NCKAP5: variants seen among roughly 807,000 people sequenced by gnomAD.
The protein encoded by NCKAP5 is nck-associated protein 5.
NCKAP5 carries 92 observed loss-of-function variants against 167.0 expected under a neutral mutation model. The ratio of observed to expected loss-of-function variants is 0.55; its 90% confidence interval spans 0.47 to 0.66. NCKAP5 has a LOEUF of 0.66. Among genes scored for constraint, NCKAP5 ranks in the 30% least tolerant of loss-of-function variants. NCKAP5 has a pLI of 0.00. For missense variants in NCKAP5, 2,378 were observed against 2,315.0 expected (o/e 1.03, Z -0.56); for synonymous variants, 891 against 877.4 (o/e 1.02, Z -0.27).
the NCKAP5 span, among the ~76,000 whole-genome samples, chr2:133,580,056 A>G: frequency 6.6e-6 from 1 of 152,226 alleles, no homozygotes; most frequent in Non-Finnish European, 1.5e-5. Flanking sequence ...GTGGCCCGTC[A>G]TTAGCACATC....
At chr2:132,941,230 G>T (rs1419014843) in intron 8 of NCKAP5, among the ~76,000 whole-genome samples, 4 of 152,164 alleles carry the variant, frequency 2.6e-5, no homozygotes, top group African/African-American at 9.7e-5. Context: ...TTCAGGGAAA[G>T]AAACATCTTC....
the NCKAP5 span, among the ~76,000 whole-genome samples, chr2:133,590,895 CTGTG>C: frequency 0.65 from 98,596 of 151,436 alleles, 33,324 homozygotes; most frequent in East Asian, 0.94. Context: ...AGTATGCTGT[CTGTG>C]TGTGTGTTTG....
At chr2:133,560,017 G>C (rs1688047700) in intron 1 of NCKAP5, among the ~76,000 whole-genome samples, 1 of 152,096 alleles carries the variant, frequency 6.6e-6, no homozygotes, top group Non-Finnish European at 1.5e-5. Flanking sequence ...CATACCTATA[G>C]AGCCCCCATT....
intron 3 of NCKAP5, among the ~76,000 whole-genome samples, chr2:133,468,908 G>T (rs1478293350): frequency 2.0e-5 from 3 of 152,144 alleles, no homozygotes; most frequent in African/African-American, 7.2e-5. Flanking sequence ...GTGTGTCTCT[G>T]AACGTAAGAT....
intron 19 of NCKAP5, among the ~76,000 whole-genome samples, chr2:132,720,280 C>A (rs1443485992): frequency 6.6e-6 from 1 of 152,220 alleles, no homozygotes; most frequent in Non-Finnish European, 1.5e-5. Context: ...TACTACTTCA[C>A]CCACTGGGCC....
At chr2:132,743,767 T>C (rs1230319512) in intron 16 of NCKAP5, among the ~76,000 whole-genome samples, 1 of 151,726 alleles carries the variant, frequency 6.6e-6, no homozygotes, top group Non-Finnish European at 1.5e-5. Flanking sequence ...AAAATTGGTA[T>C]ACAAAATATA....
In NCKAP5 at chr2:132,701,889, G is replaced by A. The variant is rs918587581; in HGVS notation, c.5713+23738C>T. 8.5e-5 allele frequency among the ~76,000 whole-genome samples: 13 copies of A among 152,120 alleles called. No individual in the cohort carries two copies. In the East Asian group the frequency reaches 9.6e-4, roughly 11 times the overall value. On this transcript the variant is annotated intron_variant, in intron 19 of 19. Transcript: ENST00000409261. ...CAGCACTGGGTTCCCAGAGGCAACC[G>A]GATGGAACCTGGAATCTAACCTAGA...
At chr2:133,642,838 T>G in the NCKAP5 span, among the ~76,000 whole-genome samples, 3 of 152,340 alleles carry the variant, frequency 2.0e-5, no homozygotes, top group African/African-American at 4.8e-5. Flanking sequence ...TGAAAGTTCA[T>G]GTAAAAACCA....
Position 132,794,476 on chromosome 2 carries a change from A to G in NCKAP5, c.909+2152T>C, listed in dbSNP as rs533507130. Reference sequence around the variant, plus strand: ...GGTGAAACCCCGTCTCTACTAAAAAATACAAAAAATTTAGCCAGGCATGGT... The same window carrying G: ...GGTGAAACCCCGTCTCTACTAAAAAGTACAAAAAATTTAGCCAGGCATGGT... On this transcript the variant is annotated intron_variant, in intron 12 of 19. Coordinates refer to ENST00000409261, the MANE Select transcript of NCKAP5 (RefSeq NM_207363.3). Among the ~76,000 whole-genome samples the G allele has an allele frequency of 1.1e-4, 16 of 151,446 alleles. No homozygotes were observed. The East Asian group carries it at 3.1e-3, about 30-fold the overall frequency.
intron 15 of NCKAP5, among the ~76,000 whole-genome samples, chr2:132,777,454 T>C (rs1194323624): frequency 6.6e-6 from 1 of 152,176 alleles, no homozygotes; most frequent in Non-Finnish European, 1.5e-5. Flanking sequence ...CATCCTTCAT[T>C]TGGAGTTCTA....
chr2:133,364,607 C>CT (rs1311614463), intron 3 of NCKAP5, among the ~76,000 whole-genome samples: 2 of 152,134 alleles, frequency 1.3e-5, no homozygotes, highest in Non-Finnish European at 2.9e-5. Flanking sequence ...TGATTAGTTA[C>CT]TTTGTACAGT....
At chr2:133,053,712 A>G (rs2079689991) in intron 6 of NCKAP5, among the ~76,000 whole-genome samples, 1 of 152,126 alleles carries the variant, frequency 6.6e-6, no homozygotes, top group Admixed American at 6.5e-5. Context: ...ACAGGGTAAG[A>G]TTTCAAAGCA....
chr2:132,810,223 A>T lies in NCKAP5; in HGVS notation c.808-13494T>A, dbSNP rs185052578. The stretch of plus-strand genomic sequence containing the variant: ...TTAGGATTCTTACCTTCATCTTAAG[A>T]ATGGATAGCCTGATGACAATGTGCC... On this transcript the variant is annotated intron_variant, in intron 11 of 19. Transcript: ENST00000409261. 1.4e-3 allele frequency among the ~76,000 whole-genome samples: 215 copies of T among 152,208 alleles called. 1 individual carries two copies. The highest frequency in any genetic ancestry group is 4.9e-3 in the African/African-American group (204 of 41,564).
At chr2:133,226,832 G>C (rs909878355) in intron 4 of NCKAP5, among the ~76,000 whole-genome samples, 10 of 152,116 alleles carry the variant, frequency 6.6e-5, no homozygotes, top group Non-Finnish European at 1.5e-4. Flanking sequence ...TGTTGTGTAA[G>C]CCACCCCCAT....
At chr2:133,022,006 T>C (rs1352959536) in intron 6 of NCKAP5, among the ~76,000 whole-genome samples, 6 of 152,198 alleles carry the variant, frequency 3.9e-5, no homozygotes, top group African/African-American at 1.4e-4. Flanking sequence ...ATCATTATGA[T>C]ATATTTTCTC....
intron 4 of NCKAP5, among the ~76,000 whole-genome samples, chr2:133,265,781 G>A (rs924617787): frequency 2.6e-5 from 4 of 152,190 alleles, no homozygotes; most frequent in African/African-American, 9.6e-5. Context: ...GGGCCAGGGA[G>A]TGGCCCAGGC....
chr2:132,821,841 A>T (rs1039604923), intron 11 of NCKAP5, among the ~76,000 whole-genome samples: 1 of 152,100 alleles, frequency 6.6e-6, no homozygotes, highest in Non-Finnish European at 1.5e-5. Flanking sequence ...TCACTCCCCC[A>T]TGCCCCACAG....
chr2:133,542,335 T>C (rs1686293583), intron 2 of NCKAP5, among the ~76,000 whole-genome samples: 1 of 152,218 alleles, frequency 6.6e-6, no homozygotes, highest in African/African-American at 2.4e-5. Context: ...CAGTATCTCA[T>C]TAATTGGATG....
chr2:133,225,306 G>A (rs192770406), intron 4 of NCKAP5, among the ~76,000 whole-genome samples: 37 of 152,272 alleles, frequency 2.4e-4, no homozygotes, highest in African/African-American at 7.5e-4. Context: ...GTGGGGAAAG[G>A]GGGTGACGAT....
Sources: allele counts gnomAD v4.1 joint callset (sites outside exome capture counted in the v4.1 genomes callset), GRCh38; gene constraint gnomAD v4.1.1; transcripts MANE v1.5; gene names NCBI Gene and HGNC (gene_info 2026-07-23, HGNC 2026-07-21).